The following PTPRD variants were observed in gnomAD, a reference collection of about 807,000 sequenced individuals.
PTPRD encodes the protein protein tyrosine phosphatase receptor type D, also known as receptor-type tyrosine-protein phosphatase delta.
Under a neutral mutation model 214.5 loss-of-function variants are expected in PTPRD, and 34 were observed. The ratio of observed to expected loss-of-function variants is 0.16; its 90% confidence interval spans 0.12 to 0.21. PTPRD has a LOEUF of 0.21. Among genes scored for constraint, PTPRD ranks in the 10% least tolerant of loss-of-function variants. PTPRD has a pLI of 1.00. For synonymous variants in PTPRD, 1,128 were observed against 845.7 expected (o/e 1.33, Z -5.79); for missense variants, 2,545 against 2,398.7 (o/e 1.06, Z -1.27).
At chr9:8,434,669 AT>A (rs2095268275) in intron 35 of PTPRD, among the ~76,000 whole-genome samples, 1 of 152,198 alleles carries the variant, frequency 6.6e-6, no homozygotes, top group Non-Finnish European at 1.5e-5. Context: ...CTATGAAAAA[AT>A]ATCACATGGC....
intron 8 of PTPRD, among the ~76,000 whole-genome samples, chr9:9,434,647 A>G (rs984478388): frequency 6.6e-6 from 1 of 152,100 alleles, no homozygotes; most frequent in African/African-American, 2.4e-5. Flanking sequence ...GATAAACTAA[A>G]ACAGCATGGT....
chr9:8,802,996 A>G (rs1039350255), intron 11 of PTPRD, among the ~76,000 whole-genome samples: 22 of 152,108 alleles, frequency 1.4e-4, no homozygotes, highest in Non-Finnish European at 1.5e-5. Flanking sequence ...GAAGTTATAT[A>G]TAGTGAGCCA....
chr9:9,210,982 G>A (rs909710690), intron 9 of PTPRD, among the ~76,000 whole-genome samples: 2 of 150,232 alleles, frequency 1.3e-5, no homozygotes, highest in Non-Finnish European at 3.0e-5. Context: ...TCCTCTCTTT[G>A]GAAGTTGAGA....
chr9:8,430,915 G>A (rs867984865), intron 35 of PTPRD, among the ~76,000 whole-genome samples: 1 of 152,046 alleles, frequency 6.6e-6, no homozygotes, highest in East Asian at 1.9e-4. Context: ...TGTAATTCTC[G>A]TTTGATTGTA....
chr9:8,776,512 G>A (rs187746957), intron 11 of PTPRD, among the ~76,000 whole-genome samples: 27 of 106,018 alleles, frequency 2.5e-4, no homozygotes, highest in Admixed American at 2.0e-3. Context: ...TGCCCAGGCC[G>A]GTCTCGAACT....
At chr9:8,892,695 A>AT (rs2098552038) in intron 11 of PTPRD, among the ~76,000 whole-genome samples, 1 of 147,050 alleles carries the variant, frequency 6.8e-6, no homozygotes, top group African/African-American at 2.6e-5. Flanking sequence ...GAGTGTATAT[A>AT]TATATATGTG....
At chr9:9,838,752 C>T (rs1450293155) in intron 5 of PTPRD, among the ~76,000 whole-genome samples, 2 of 152,118 alleles carry the variant, frequency 1.3e-5, no homozygotes, top group Non-Finnish European at 2.9e-5. Context: ...TTTTGCTGTG[C>T]AGAAACTCTT....
rs543279669 is a variant in PTPRD at position 10,113,365 on chromosome 9, A to G, written c.-544-79575T>C. ...TCACTCTCAGGCCACTGGGCTCACA[A>G]TGAAGTCAGGTACTTATCATTCCCA... On this transcript the variant is annotated intron_variant, in intron 3 of 45. Coordinates refer to ENST00000381196, the MANE Select transcript of PTPRD (RefSeq NM_002839.4). Among the ~76,000 whole-genome samples the G allele has an allele frequency of 1.6e-4, 24 of 152,322 alleles. No homozygotes were observed. In the South Asian group the frequency reaches 1.9e-3, roughly 12 times the overall value.
Position 9,411,262 on chromosome 9 carries a change from C to CTTTTTTTTTTT in PTPRD, c.-236-13791_-236-13781dup, listed in dbSNP as rs34617237. ...TCCCTGAGGATACATAGCATTGTGT[C>CTTTTTTTTTTT]TTTTTTTTTTTTTACGATAATTAAG... On this transcript the variant is annotated intron_variant, in intron 8 of 45. Coordinates refer to ENST00000381196, the MANE Select transcript of PTPRD (RefSeq NM_002839.4). Among the ~76,000 whole-genome samples, 6 of 139,840 alleles carry CTTTTTTTTTTT rather than the reference C, an allele frequency of 4.3e-5. 3 individuals carry two copies. Among genetic ancestry groups the CTTTTTTTTTTT allele is most frequent in the Non-Finnish European group, 3.0e-5 (2 of 65,582 alleles). The allele number at this position is 139,840 out of a possible 152,430, so 91.7% of individuals were successfully genotyped here. A position where few individuals can be genotyped will look rare whatever the true frequency, so the allele number is the denominator to read the frequency against.
At chr9:9,560,654 C>T (rs1477203996) in intron 8 of PTPRD, among the ~76,000 whole-genome samples, 1 of 152,168 alleles carries the variant, frequency 6.6e-6, no homozygotes, top group African/African-American at 2.4e-5. Context: ...GTTGTCAGGT[C>T]CTAGGGTCCG....
At chr9:9,606,019 C>T (rs1389572318) in intron 7 of PTPRD, among the ~76,000 whole-genome samples, 1 of 151,988 alleles carries the variant, frequency 6.6e-6, no homozygotes, top group East Asian at 1.9e-4. Flanking sequence ...CTTGATACTA[C>T]ACAAAATGCT....
chr9:9,907,437 A>T (rs2077902531), intron 5 of PTPRD, among the ~76,000 whole-genome samples: 1 of 151,898 alleles, frequency 6.6e-6, no homozygotes, highest in African/African-American at 2.4e-5. Context: ...CTGGTTTCTC[A>T]TGAGGCCTCC....
chr9:9,868,487 C>A (rs1054504457), intron 5 of PTPRD, among the ~76,000 whole-genome samples: 7 of 151,322 alleles, frequency 4.6e-5, no homozygotes, highest in African/African-American at 1.7e-4. Flanking sequence ...ACATTGTAGT[C>A]AAGAGAGAAA....
At chr9:9,360,755 T>C (rs960729624) in intron 9 of PTPRD, among the ~76,000 whole-genome samples, 5 of 151,150 alleles carry the variant, frequency 3.3e-5, no homozygotes, top group African/African-American at 7.3e-5. Context: ...TGCTTGATGA[T>C]AGATAGCTTT....
At chr9:9,695,076 T>C (rs115913293) in intron 7 of PTPRD, among the ~76,000 whole-genome samples, 139 of 152,288 alleles carry the variant, frequency 9.1e-4, no homozygotes, top group African/African-American at 2.9e-3. Flanking sequence ...CTGGGTCTCC[T>C]CCACATTCAA....
rs724159865 is a variant in PTPRD, at chr9:8,341,147, G to A, written c.5069C>T (p.Pro1690Leu). ...ATCAGATCCTTCTACTCCACGGATAGGCTGCAGGCATACCCTTGTGGATTC... is the reference window on the plus strand; with the variant it reads ...ATCAGATCCTTCTACTCCACGGATAAGCTGCAGGCATACCCTTGTGGATTC... Reference protein sequence around the residue: ...PYESTRVCLQPIRGVEGSDYI... With the variant: ...PYESTRVCLQLIRGVEGSDYI... The change falls in exon 41 of 46, where the codon CCT becomes CTT. Residue 1690 changes from proline (P) to leucine (L), a missense_variant. By Grantham distance (98) the Pro-to-Leu change is moderately conservative. Transcript: ENST00000381196. 1 of 1,613,018 alleles carries A rather than the reference G, an allele frequency of 6.2e-7. No individual in the cohort carries two copies. Among genetic ancestry groups the A allele is most frequent in the Non-Finnish European group, 8.5e-7 (1 of 1,179,418 alleles).
intron 9 of PTPRD, among the ~76,000 whole-genome samples, chr9:9,248,261 T>C (rs2099973931): frequency 6.6e-6 from 1 of 151,784 alleles, no homozygotes; most frequent in African/African-American, 2.4e-5. Flanking sequence ...CTTGGCTAAT[T>C]TTTGTATTTT....
At chr9:9,351,332 C>T (rs1233292970) in intron 9 of PTPRD, among the ~76,000 whole-genome samples, 1 of 151,986 alleles carries the variant, frequency 6.6e-6, no homozygotes, top group Admixed American at 6.6e-5. Flanking sequence ...TGGGTATGGC[C>T]TGCACTGGGA....
chr9:8,346,707 T>G (rs942811771), intron 39 of PTPRD, among the ~76,000 whole-genome samples: 8 of 152,208 alleles, frequency 5.3e-5, no homozygotes, highest in African/African-American at 1.9e-4. Context: ...GGCCCCAAAG[T>G]GCAAGAGTAG....
Sources: allele counts gnomAD v4.1 joint callset (sites outside exome capture counted in the v4.1 genomes callset), GRCh38; gene constraint gnomAD v4.1.1; transcripts MANE v1.5; gene names NCBI Gene and HGNC (gene_info 2026-07-23, HGNC 2026-07-21).